Variants in COL12A1 observed in about 807,000 individuals in gnomAD.
COL12A1 encodes collagen alpha-1(XII) chain.
COL12A1 carries 114 observed loss-of-function variants against 349.7 expected under a neutral mutation model. That is an observed-to-expected ratio of 0.33 (90% CI 0.28 to 0.38). COL12A1 has a LOEUF of 0.38. Ranked by LOEUF, COL12A1 falls within the 10% of genes least tolerant of loss-of-function variation. The pLI is 1.00. For synonymous variants in COL12A1, 1,369 were observed against 1,329.0 expected, an observed-to-expected ratio of 1.03 and a Z score of -0.66; for missense variants, 3,284 against 3,756.9, an observed-to-expected ratio of 0.87 and a Z score of 3.29.
intron 39 of COL12A1, 87 bp downstream of exon 39, chr6:75,126,264 C>G: frequency 6.9e-7 from 1 of 1,452,732 alleles, no homozygotes; most frequent in Non-Finnish European, 9.3e-7. Context: ...CTCAGGAGAA[C>G]CCAACAGTGG....
chr6:75,119,651 A>C (rs1769258157), intron 44 of COL12A1, among the ~76,000 whole-genome samples, 178 bp from the exon 45 acceptor site: 1 of 152,174 alleles, frequency 6.6e-6, no homozygotes, highest in Non-Finnish European at 1.5e-5. Context: ...TTGTCTCATT[A>C]AATTCGTTAA....
chr6:75,179,528 A>G (rs1437350888), intron 11 of COL12A1, among the ~76,000 whole-genome samples: 1 of 150,636 alleles, frequency 6.6e-6, no homozygotes, highest in Non-Finnish European at 1.5e-5. Flanking sequence ...AGGAAGAAAT[A>G]TACCTAAACC....
At chr6:75,159,038 CAAGAAACATA>C (rs1371373493) in intron 14 of COL12A1, among the ~76,000 whole-genome samples, 1 of 151,688 alleles carries the variant, frequency 6.6e-6, no homozygotes, top group Non-Finnish European at 1.5e-5. Context: ...ACCCCAAACA[CAAGAAACATA>C]AAGAAACTAT....
Position 75,107,022 on chromosome 6 carries a change from C to T in COL12A1, c.8101-526G>A, listed in dbSNP as rs140332168. 7.5e-4 allele frequency among the ~76,000 whole-genome samples: 111 copies of T among 148,810 alleles called. 3 individuals carry two copies. In the East Asian group the frequency reaches 0.015, roughly 21 times the overall value. On this transcript the variant is annotated intron_variant, in intron 52 of 65. Coordinates refer to ENST00000322507, the MANE Select transcript of COL12A1 (RefSeq NM_004370.6). The stretch of plus-strand genomic sequence containing the variant: ...GTTCAAATGCTTTTCGTGCCTCAGT[C>T]TCCCGAGTAGCTGGGATTATAGGCG...
intron 46 of COL12A1, among the ~76,000 whole-genome samples, chr6:75,118,250 T>C (rs1343008995): frequency 6.6e-6 from 1 of 151,970 alleles, no homozygotes; most frequent in Non-Finnish European, 1.5e-5. Flanking sequence ...ATAATGGCAA[T>C]ACATTTTATA....
At chr6:75,180,017 AG>A (rs1769179965) in intron 11 of COL12A1, among the ~76,000 whole-genome samples, 1 of 152,230 alleles carries the variant, frequency 6.6e-6, no homozygotes, top group South Asian at 2.1e-4. Context: ...AATGTGAAGC[AG>A]GGCGCTATGC....
In COL12A1 at chr6:75,165,740, G is replaced by A; in HGVS notation, c.2750C>T (p.Thr917Ile). 2 of 1,613,926 alleles carry A rather than the reference G, an allele frequency of 1.2e-6. No homozygotes were observed. The highest frequency in any genetic ancestry group is 1.7e-6 in the Non-Finnish European group (2 of 1,179,862). The change falls in exon 14 of 66, where the codon ACT becomes ATT. Residue 917 changes from threonine to isoleucine, a missense_variant. Thr to Ile is a moderately conservative substitution (Grantham distance 89). This residue lies in a region of COL12A1 where 2,601 missense variants were observed against 2,824.8 expected (regional missense o/e 0.92). Transcript: ENST00000322507. ...CCAATAAGCCCCAATTGATGTGTCA[G>A]TGATGTCTTTAGTAACTAAATCTTG... ...SPQDLVTKDI[T>I]DTSIGAYWTS...
chr6:75,185,989 T>G (rs974289240), intron 8 of COL12A1, among the ~76,000 whole-genome samples: 2 of 152,162 alleles, frequency 1.3e-5, no homozygotes, highest in African/African-American at 2.4e-5. Context: ...CAGACTTAAA[T>G]GTAAGACCCA....
intron 51 of COL12A1, among the ~76,000 whole-genome samples, chr6:75,111,977 T>A (rs1229964174): frequency 6.6e-6 from 1 of 151,782 alleles, no homozygotes; most frequent in East Asian, 1.9e-4. Flanking sequence ...GAAATACTGC[T>A]AAATCTACTC....
At chr6:75,136,135 C>T (rs958623111) in intron 31 of COL12A1, among the ~76,000 whole-genome samples, 11 of 152,128 alleles carry the variant, frequency 7.2e-5, no homozygotes, top group African/African-American at 2.4e-4. Flanking sequence ...AACATCAATG[C>T]CCCCAAGATG....
intron 21 of COL12A1, among the ~76,000 whole-genome samples, chr6:75,150,022 AAGTT>A (rs1767402784): frequency 6.6e-6 from 1 of 152,124 alleles, no homozygotes; most frequent in Non-Finnish European, 1.5e-5. Context: ...AAATCTGCAA[AAGTT>A]AGGAGAAAGA....
At chr6:75,157,905 G>C (rs1767839827) in intron 14 of COL12A1, among the ~76,000 whole-genome samples, 1 of 152,164 alleles carries the variant, frequency 6.6e-6, no homozygotes, top group South Asian at 2.1e-4. Flanking sequence ...AGGATATTTA[G>C]TAGGTGATTG....
intron 58 of COL12A1, among the ~76,000 whole-genome samples, chr6:75,097,811 T>C (rs986289316): frequency 2.0e-5 from 3 of 152,152 alleles, no homozygotes; most frequent in African/African-American, 7.2e-5. Context: ...CTGCTGGGAA[T>C]TGGACTCTCA....
chr6:75,166,217 A>T lies in COL12A1; in HGVS notation c.2711-438T>A, dbSNP rs140651804. 3.2e-3 allele frequency among the ~76,000 whole-genome samples: 481 copies of T among 152,280 alleles called. 1 individual carries two copies. The highest frequency in any genetic ancestry group is 5.4e-3 in the Non-Finnish European group (366 of 68,002). ...TCTTTTCCTCTCTGATCTAATTTAA[A>T]TAAACTCAGTTTCAATGCATGATTT... is the stretch of plus-strand genomic sequence containing the variant. On this transcript the variant is annotated intron_variant, in intron 13 of 65. Transcript: ENST00000322507.
chr6:75,094,086 C>T (rs937667497), intron 60 of COL12A1, among the ~76,000 whole-genome samples: 4 of 152,094 alleles, frequency 2.6e-5, no homozygotes, highest in African/African-American at 9.7e-5. Context: ...TGGTTTTTGT[C>T]ATTCTTTTTA....
chr6:75,186,682 G>T (rs1769640518), intron 8 of COL12A1, among the ~76,000 whole-genome samples: 1 of 152,112 alleles, frequency 6.6e-6, no homozygotes, highest in South Asian at 2.1e-4. Flanking sequence ...ATTCACTACA[G>T]CACTATTCAC....
intron 25 of COL12A1, among the ~76,000 whole-genome samples, chr6:75,143,853 G>T (rs76976664): frequency 2.6e-5 from 4 of 152,090 alleles, no homozygotes; most frequent in Admixed American, 6.5e-5. Flanking sequence ...CATCCAATAA[G>T]CTTATAAGAA....
Position 75,134,726 on chromosome 6 carries a change from T to G in COL12A1, c.5524A>C (p.Lys1842Gln). 1 of 1,596,088 alleles carries G rather than the reference T, an allele frequency of 6.3e-7. No homozygotes were observed. Among genetic ancestry groups the G allele is most frequent in the African/African-American group, 1.3e-5 (1 of 74,892 alleles). The part of the protein sequence containing the change: ...GGRMTGRGKT[K>Q]PLNTVRNLRV... ...CTATAGGAACTCAGGTTTCACTTAC[T>G]GGTCTTGCCTCTTCCCGTCATCCGA... The change falls in exon 32 of 66, where the codon AAA becomes CAA. Residue 1842 changes from lysine (K) to glutamine (Q), a missense_variant and splice_region_variant. This residue lies in a region of COL12A1 where 2,601 missense variants were observed against 2,824.8 expected (regional missense o/e 0.92). Transcript: ENST00000322507.
chr6:75,165,270 GA>G (rs1042411684), intron 14 of COL12A1, among the ~76,000 whole-genome samples: 36 of 134,770 alleles, frequency 2.7e-4, no homozygotes, highest in Middle Eastern at 3.7e-3. Flanking sequence ...CATTGCACCA[GA>G]AAAAAAAAAA....
Sources: gnomAD v4.1 joint callset for allele counts (sites outside exome capture counted in the v4.1 genomes callset) on GRCh38, gnomAD v4.1.1 for gene constraint, gnomAD v4.1.1 regional missense constraint, MANE v1.5 for transcripts, NCBI Gene and HGNC (gene_info 2026-07-23, HGNC 2026-07-21) for gene names.